GALNT13: variants seen among roughly 807,000 people sequenced by gnomAD.
GALNT13 encodes polypeptide N-acetylgalactosaminyltransferase 13.
A neutral mutation model predicts 64.2 loss-of-function variants in GALNT13; 28 were observed. That is an observed-to-expected ratio of 0.44 (90% CI 0.32 to 0.60). GALNT13 has a LOEUF of 0.60. GALNT13 is among the 20% of genes least tolerant of loss of function. The pLI is 0.05. For synonymous variants in GALNT13, 214 were observed against 224.6 expected (o/e 0.95, Z 0.42); for missense variants, 577 against 669.8 (o/e 0.86, Z 1.53).
chr2:153,437,377 T>C, the GALNT13 span, among the ~76,000 whole-genome samples: 1 of 152,174 alleles, frequency 6.6e-6, no homozygotes, highest in East Asian at 1.9e-4. Flanking sequence ...TTCCTGGATA[T>C]CCTCGTTGAC....
the GALNT13 span, among the ~76,000 whole-genome samples, chr2:153,398,693 A>G: frequency 6.6e-6 from 1 of 151,664 alleles, no homozygotes; most frequent in African/African-American, 2.4e-5. Flanking sequence ...GCATTTTTTC[A>G]TGTGTTTTTT....
chr2:153,523,386 A>C, the GALNT13 span, among the ~76,000 whole-genome samples: 1 of 152,176 alleles, frequency 6.6e-6, no homozygotes, highest in Non-Finnish European at 1.5e-5. Context: ...CTGGAATTGC[A>C]TTGAATCTAT....
the GALNT13 span, among the ~76,000 whole-genome samples, chr2:153,719,853 T>A: frequency 6.6e-6 from 1 of 151,440 alleles, no homozygotes; most frequent in African/African-American, 2.4e-5. Flanking sequence ...CAGTCTGAGA[T>A]CAAACTGCAA....
chr2:154,242,248 TG>T (rs754274870), intron 5 of GALNT13, 52 bp downstream of exon 5: 59 of 1,528,078 alleles, frequency 3.9e-5, no homozygotes, highest in East Asian at 1.6e-4. Context: ...TGTTTTGTTT[TG>T]TTTTTTTGTA....
chr2:154,286,773 A>G (rs967469909), intron 8 of GALNT13: 2 of 325,618 alleles, frequency 6.1e-6, no homozygotes, highest in South Asian at 5.4e-5. Context: ...TGCCATGGGT[A>G]CAGAAACCAA....
chr2:153,163,863 CA>C, the GALNT13 span, among the ~76,000 whole-genome samples: 1 of 151,746 alleles, frequency 6.6e-6, no homozygotes, highest in African/African-American at 2.4e-5. Context: ...ACTAAAAATA[CA>C]AAAATTGGCC....
At chr2:153,594,155 C>T in the GALNT13 span, among the ~76,000 whole-genome samples, 6 of 152,074 alleles carry the variant, frequency 3.9e-5, no homozygotes, top group South Asian at 1.2e-3. Context: ...AAAAACATTT[C>T]CCCTGAATGT....
chr2:153,477,912 C>T, the GALNT13 span: 1 of 352,460 alleles, frequency 2.8e-6, no homozygotes, highest in Non-Finnish European at 5.2e-6. Context: ...GAGCTTGGCC[C>T]ACCTGCGGGT....
At chr2:153,741,567 G>C in the GALNT13 span, among the ~76,000 whole-genome samples, 2 of 152,036 alleles carry the variant, frequency 1.3e-5, no homozygotes, top group Non-Finnish European at 2.9e-5. Flanking sequence ...GCTGAGTGAA[G>C]AATCTAGTAT....
chr2:154,142,588 AAAG>A (rs1231163492), intron 4 of GALNT13, among the ~76,000 whole-genome samples: 1 of 151,456 alleles, frequency 6.6e-6, no homozygotes. Flanking sequence ...GGAAAAGAAA[AAAG>A]AAAACCCTGT....
At chr2:154,273,746 GTTCA>G (rs1188069926) in intron 8 of GALNT13, among the ~76,000 whole-genome samples, 1 of 152,060 alleles carries the variant, frequency 6.6e-6, no homozygotes, top group Non-Finnish European at 1.5e-5. Context: ...ATTCTGTAAT[GTTCA>G]CATGATAATG....
the GALNT13 span, among the ~76,000 whole-genome samples, chr2:153,630,843 G>A: frequency 9.9e-6 from 1 of 101,474 alleles, no homozygotes; most frequent in Non-Finnish European, 1.8e-5. Flanking sequence ...TTAAGTTCTA[G>A]GGTACATGTG....
chr2:154,022,712 C>T (rs931320468), intron 3 of GALNT13, among the ~76,000 whole-genome samples: 4 of 152,130 alleles, frequency 2.6e-5, no homozygotes, highest in South Asian at 4.1e-4. Flanking sequence ...CTGCTCTGAT[C>T]TTAGTTATTT....
At chr2:153,280,168 ATAG>A in the GALNT13 span, among the ~76,000 whole-genome samples, 1 of 152,044 alleles carries the variant, frequency 6.6e-6, no homozygotes, top group Non-Finnish European at 1.5e-5. Context: ...TATGTACATA[ATAG>A]TCTCTGAGGA....
At chr2:154,294,061 C>T (rs555949490) in intron 8 of GALNT13, among the ~76,000 whole-genome samples, 1 of 152,282 alleles carries the variant, frequency 6.6e-6, no homozygotes, top group East Asian at 1.9e-4. Context: ...CTAGGAAATG[C>T]AATATCAGCA....
chr2:153,623,238 C>A, the GALNT13 span, among the ~76,000 whole-genome samples: 1 of 152,034 alleles, frequency 6.6e-6, no homozygotes, highest in Non-Finnish European at 1.5e-5. Context: ...TTTCTGACTC[C>A]TTTGACATTG....
At chr2:153,371,723 A>T in the GALNT13 span, among the ~76,000 whole-genome samples, 1 of 152,188 alleles carries the variant, frequency 6.6e-6, no homozygotes, top group Non-Finnish European at 1.5e-5. Context: ...GTTATCCTTA[A>T]TTTGATTGAA....
intron 8 of GALNT13, among the ~76,000 whole-genome samples, chr2:154,296,708 G>C (rs1458997669): frequency 2.0e-5 from 3 of 151,824 alleles, no homozygotes; most frequent in Non-Finnish European, 2.9e-5. Flanking sequence ...AACTAAACAG[G>C]GTTCTCTTAG....
intron 8 of GALNT13, among the ~76,000 whole-genome samples, chr2:154,275,107 G>A (rs35531380): frequency 3.3e-5 from 5 of 152,088 alleles, no homozygotes; most frequent in Admixed American, 6.6e-5. Context: ...TTTCTAAGCC[G>A]CAGACCATTT....
Sources: allele counts gnomAD v4.1 joint callset (sites outside exome capture counted in the v4.1 genomes callset), GRCh38; gene constraint gnomAD v4.1.1; transcripts MANE v1.5; gene names NCBI Gene and HGNC (gene_info 2026-07-23, HGNC 2026-07-21).